SOX5: variants seen among roughly 807,000 people sequenced by gnomAD.
SOX5 encodes the protein transcription factor SOX-5.
SOX5 carries 9 observed loss-of-function variants against 92.0 expected under a neutral mutation model. The observed-to-expected ratio is 0.10, with a 90% CI of 0.06 to 0.17. The LOEUF (loss-of-function observed/expected upper bound fraction) is 0.17, where lower values mean the gene tolerates loss of function less well. SOX5 is among the 10% of genes least tolerant of loss of function. The probability of loss-of-function intolerance (pLI) is 1.00; values close to 1 mark genes in which losing one functional copy is unlikely to be tolerated. For synonymous variants in SOX5, 344 were observed against 336.3 expected, an observed-to-expected ratio of 1.02 and a Z score of -0.25; for missense variants, 642 against 944.5, an observed-to-expected ratio of 0.68 and a Z score of 4.20.
intron 8 of SOX5, among the ~76,000 whole-genome samples, chr12:23,623,449 G>C (rs1240202201): frequency 6.6e-6 from 1 of 152,070 alleles, no homozygotes; most frequent in African/African-American, 2.4e-5. Flanking sequence ...ATAAGATGTA[G>C]CCCAGCCCCA....
At chr12:23,538,943 G>A (rs1260056274) in intron 13 of SOX5, among the ~76,000 whole-genome samples, 3 of 151,588 alleles carry the variant, frequency 2.0e-5, no homozygotes, top group African/African-American at 7.3e-5. Context: ...TGGGACTACA[G>A]GCGCCCGCCA....
chr12:24,203,766 TTAAAAA>T (rs1957756585), intron 4 of SOX5, among the ~76,000 whole-genome samples: 1 of 152,234 alleles, frequency 6.6e-6, no homozygotes, highest in Non-Finnish European at 1.5e-5. Flanking sequence ...TTGTTCATTT[TTAAAAA>T]ATTTTAGAGT....
intron 1 of SOX5, among the ~76,000 whole-genome samples, chr12:24,391,458 G>A (rs1958984378): frequency 6.6e-6 from 1 of 152,100 alleles, no homozygotes; most frequent in South Asian, 2.1e-4. Context: ...TTTCATAGAA[G>A]TTCTTAATAA....
chr12:24,095,124 CACACAGAGAGAG>C (rs1412583972), intron 4 of SOX5, among the ~76,000 whole-genome samples: 5,249 of 104,970 alleles, frequency 0.05, 110 homozygotes, highest in Admixed American at 0.07. Context: ...CACACACACA[CACACAGAGAGAG>C]AGAGAGAGAG....
chr12:23,826,121 C>G (rs901978585), intron 3 of SOX5, among the ~76,000 whole-genome samples: 1 of 151,676 alleles, frequency 6.6e-6, no homozygotes, highest in South Asian at 2.1e-4. Flanking sequence ...TGTGCTGCAC[C>G]CAGTAACTCG....
intron 3 of SOX5, among the ~76,000 whole-genome samples, chr12:23,810,065 A>G (rs1205819140): frequency 6.6e-6 from 1 of 152,206 alleles, no homozygotes; most frequent in Non-Finnish European, 1.5e-5. Context: ...GAGAAAAAAC[A>G]TACATCTACT....
chr12:24,502,726 C>T (rs945369001), intron 1 of SOX5, among the ~76,000 whole-genome samples: 4 of 152,088 alleles, frequency 2.6e-5, no homozygotes, highest in Non-Finnish European at 4.4e-5. Flanking sequence ...TGGGAAAAAG[C>T]AGTAAATTTA....
intron 4 of SOX5, among the ~76,000 whole-genome samples, chr12:24,176,292 G>A (rs1419169540): frequency 6.6e-6 from 1 of 151,932 alleles, no homozygotes; most frequent in Admixed American, 6.6e-5. Flanking sequence ...TCATACCACT[G>A]CACTCCAGCC....
chr12:24,342,414 C>T (rs1952682685), intron 2 of SOX5, among the ~76,000 whole-genome samples: 1 of 152,124 alleles, frequency 6.6e-6, no homozygotes, highest in Admixed American at 6.5e-5. Flanking sequence ...TCTGGATATC[C>T]TACATGCAAT....
At chr12:24,179,576 A>G (rs1490924419) in intron 4 of SOX5, among the ~76,000 whole-genome samples, 1 of 152,162 alleles carries the variant, frequency 6.6e-6, no homozygotes, top group Non-Finnish European at 1.5e-5. Flanking sequence ...TTTGCATCCC[A>G]TCATGTATAC....
chr12:23,942,052 T>G (rs1943751989), intron 1 of SOX5, among the ~76,000 whole-genome samples: 1 of 151,630 alleles, frequency 6.6e-6, no homozygotes. Flanking sequence ...AAAGGAAGAA[T>G]TGTAGGCAAA....
rs1301802611 is a variant in SOX5 at position 23,570,927 on chromosome 12, AAAAATATATATATATATATATATATATAT to A, written c.1342+4705_1342+4733del. 2.9e-3 allele frequency among the ~76,000 whole-genome samples: 71 copies of A among 24,484 alleles called. 4 individuals carry two copies. The highest frequency in any genetic ancestry group is 0.021 in the Middle Eastern group (2 of 94). 16.1% of individuals were successfully genotyped at this position (24,484 alleles called of 152,430 possible). ...CTCCAACTCAAAAAAAAAAAAAAAA[AAAAATATATATATATATATATATATATAT>A]ATATATATATATATATATATATATA... is the stretch of plus-strand genomic sequence containing the variant. On this transcript the variant is annotated intron_variant, in intron 10 of 14. Transcript: ENST00000451604.
intron 3 of SOX5, among the ~76,000 whole-genome samples, chr12:23,795,563 T>C (rs2095548006): frequency 6.6e-6 from 1 of 151,986 alleles, no homozygotes; most frequent in African/African-American, 2.4e-5. Flanking sequence ...TTTTGTGATG[T>C]GGGATAAGCA....
At chr12:24,046,024 T>C (rs1480027032) in intron 4 of SOX5, among the ~76,000 whole-genome samples, 1 of 152,198 alleles carries the variant, frequency 6.6e-6, no homozygotes, top group Non-Finnish European at 1.5e-5. Context: ...GCCCCCTCTG[T>C]CTCTCATCAT....
chr12:24,464,019 G>T (rs568470481), intron 1 of SOX5, among the ~76,000 whole-genome samples: 2 of 152,190 alleles, frequency 1.3e-5, no homozygotes, highest in South Asian at 2.1e-4. Flanking sequence ...TTAAAACTTC[G>T]CTGACAAATA....
chr12:23,683,829 T>C (rs868175881), intron 6 of SOX5, among the ~76,000 whole-genome samples: 9 of 151,990 alleles, frequency 5.9e-5, no homozygotes, highest in Admixed American at 2.0e-4. Flanking sequence ...CATTGGTTGA[T>C]AAAATCTTTT....
chr12:23,551,611 C>T (rs1944236697), intron 11 of SOX5, among the ~76,000 whole-genome samples: 1 of 151,756 alleles, frequency 6.6e-6, no homozygotes, highest in Admixed American at 6.6e-5. Flanking sequence ...TGAATTTATC[C>T]GTGAGAATAG....
intron 3 of SOX5, among the ~76,000 whole-genome samples, chr12:23,831,103 G>C (rs1245432244): frequency 6.6e-6 from 1 of 152,036 alleles, no homozygotes; most frequent in African/African-American, 2.4e-5. Context: ...TATCTATTTA[G>C]AGGATCTAAT....
intron 1 of SOX5, among the ~76,000 whole-genome samples, chr12:24,507,408 G>A (rs755473589): frequency 1.3e-5 from 2 of 151,530 alleles, no homozygotes; most frequent in African/African-American, 2.4e-5. Flanking sequence ...CAAGTTAAAT[G>A]ACACCACAAG....
Sources: allele counts gnomAD v4.1 joint callset (sites outside exome capture counted in the v4.1 genomes callset), GRCh38; gene constraint gnomAD v4.1.1; transcripts MANE v1.5; gene names NCBI Gene and HGNC (gene_info 2026-07-23, HGNC 2026-07-21).